The following BCAP29 variants were observed in gnomAD, a reference collection of about 807,000 sequenced individuals.
BCAP29 encodes B-cell receptor-associated protein 29.
A neutral mutation model predicts 31.8 loss-of-function variants in BCAP29; 34 were observed. That is an observed-to-expected ratio of 1.07 (90% CI 0.81 to 1.42). BCAP29 has a LOEUF of 1.42. BCAP29 is among the 40% of genes most tolerant of loss of function. The probability of loss-of-function intolerance (pLI) is 0.00; values close to 1 mark genes in which losing one functional copy is unlikely to be tolerated. For missense variants in BCAP29, 314 were observed against 269.2 expected (o/e 1.17, Z -1.16); for synonymous variants, 104 against 91.3 (o/e 1.14, Z -0.79).
At chr7:107,582,430 A>G (rs902888225) in intron 2 of BCAP29, among the ~76,000 whole-genome samples, 3 of 152,160 alleles carry the variant, frequency 2.0e-5, no homozygotes, top group South Asian at 4.1e-4. Context: ...TATCTTTTAT[A>G]TTTGTATCAC....
Position 107,583,933 on chromosome 7 carries a change from G to A in BCAP29, c.144G>A (p.Trp48Ter). The stretch of plus-strand genomic sequence containing the variant: ...TCTGGGGTAAAATTGCAACTTTTTG[G>A]AACAAGGCTTTCCTTACCATTATCA... ...FNVWGKIATFWNKAFLTIIIL... is the reference protein window; with the variant it reads ...FNVWGKIATF Residue 48 changes from tryptophan (W) to a stop codon, truncating the protein, a stop_gained, in exon 3 of 8, where the codon TGG becomes TGA. Coordinates refer to ENST00000005259, the MANE Select transcript of BCAP29 (RefSeq NM_018844.4). LOFTEE classifies it high-confidence loss of function. The A allele has an allele frequency of 6.3e-7, 1 of 1,587,234 alleles. No homozygotes were observed. Among genetic ancestry groups the A allele is most frequent in the Non-Finnish European group, 8.6e-7 (1 of 1,165,978 alleles).
chr7:107,594,129 G>A (rs747705492), intron 4 of BCAP29, 24 bp downstream of exon 4: 2 of 1,560,866 alleles, frequency 1.3e-6, no homozygotes, highest in Non-Finnish European at 8.8e-7. Context: ...AATAATAGAA[G>A]CACAATTTAA....
intron 6 of BCAP29, among the ~76,000 whole-genome samples, chr7:107,602,641 A>G (rs1811362985): frequency 6.6e-6 from 1 of 152,062 alleles, no homozygotes; most frequent in Non-Finnish European, 1.5e-5. Flanking sequence ...TAAGTGAAAC[A>G]TTTTCTCCCA....
intron 3 of BCAP29, among the ~76,000 whole-genome samples, chr7:107,585,721 G>T (rs1200411179): frequency 6.6e-6 from 1 of 152,144 alleles, no homozygotes; most frequent in Admixed American, 6.5e-5. Context: ...CGGGCGCGGC[G>T]GCTCACCTCT....
At chr7:107,582,162 A>G (rs1398893090) in intron 2 of BCAP29, among the ~76,000 whole-genome samples, 1 of 152,234 alleles carries the variant, frequency 6.6e-6, no homozygotes, top group East Asian at 1.9e-4. Context: ...ATTTATAGAT[A>G]AGGCTTAAGG....
chr7:107,595,505 A>G (rs907460747), intron 4 of BCAP29, among the ~76,000 whole-genome samples: 4 of 152,174 alleles, frequency 2.6e-5, no homozygotes, highest in African/African-American at 7.2e-5. Context: ...ACCTTACACA[A>G]TGTTCCTTAA....
At chr7:107,584,706 C>A (rs1807317473) in intron 3 of BCAP29, among the ~76,000 whole-genome samples, 1 of 151,930 alleles carries the variant, frequency 6.6e-6, no homozygotes, top group Non-Finnish European at 1.5e-5. Flanking sequence ...CTTAAAAAAA[C>A]AAACAAACAA....
intron 6 of BCAP29, among the ~76,000 whole-genome samples, chr7:107,612,442 T>TC (rs1813399766): frequency 7.4e-6 from 1 of 135,410 alleles, no homozygotes; most frequent in Admixed American, 7.6e-5. Context: ...TATATATATT[T>TC]ATTTTACTTC....
rs115358300 is a variant in BCAP29, at chr7:107,620,060, C to G, written c.*1697C>G. 2.3e-3 allele frequency: 346 copies of G among 152,296 alleles called. 3 individuals are homozygous for G. Among genetic ancestry groups the G allele is most frequent in the African/African-American group, 7.8e-3 (325 of 41,560 alleles). 9.4% of individuals were successfully genotyped at this position (152,296 alleles called of 1,614,324 possible). ...ATAGTAAGGAGAAAGTCTGGTTGCA[C>G]TTTGAAGAGCTTGAAGATTTGAAAG... On this transcript the variant is annotated 3_prime_UTR_variant, in exon 8 of 8. Transcript: ENST00000005259.
At chr7:107,598,894 T>TACACACAC (rs59376183) in intron 5 of BCAP29, among the ~76,000 whole-genome samples, 24 of 139,114 alleles carry the variant, frequency 1.7e-4, no homozygotes, top group African/African-American at 5.2e-4. Context: ...CAATACAGTA[T>TACACACAC]ACACACACAC....
intron 3 of BCAP29, among the ~76,000 whole-genome samples, chr7:107,588,176 A>G (rs1234866655): frequency 2.0e-5 from 3 of 152,228 alleles, no homozygotes; most frequent in African/African-American, 7.2e-5. Context: ...TGCAGCATCA[A>G]GCAAATTAGT....
In BCAP29 at chr7:107,595,884, T is replaced by C. The variant is rs1809724560; in HGVS notation, c.362T>C (p.Val121Ala). 1 of 1,601,140 alleles carries C rather than the reference T, an allele frequency of 6.2e-7. No individual in the cohort carries two copies. The highest frequency in any genetic ancestry group is 8.5e-7 in the Non-Finnish European group (1 of 1,176,510). ...LFFWLVLRRL[V>A]TLITQLAKEL... ...TTTCTTAGAGTTTTGAGACGTCTGG[T>C]TACGCTTATTACTCAACTGGCAAAA... The change falls in exon 5 of 8, where the codon GTT (valine) becomes GCT (alanine). Residue 121 changes from valine to alanine, a missense_variant. Transcript: ENST00000005259.
chr7:107,610,930 C>G (rs1028855500), intron 6 of BCAP29, among the ~76,000 whole-genome samples: 1 of 152,190 alleles, frequency 6.6e-6, no homozygotes, highest in African/African-American at 2.4e-5. Context: ...ATAGAAAGTA[C>G]TCTAGACTCA....
At chr7:107,613,198 A>G in intron 6 of BCAP29, 134 bp from the exon 7 acceptor site, 1 of 620,964 alleles carries the variant, frequency 1.6e-6, no homozygotes, top group Non-Finnish European at 2.7e-6. Flanking sequence ...AGAGAATATG[A>G]TAACAAATGT....
In BCAP29 at chr7:107,600,462, A is replaced by G. The variant is rs933065245; in HGVS notation, c.546A>G (p.Glu182=). The G allele has an allele frequency of 6.2e-6, 10 of 1,610,838 alleles. No individual in the cohort carries two copies. In the Middle Eastern group the frequency reaches 6.6e-4, roughly 107 times the overall value. The change falls in exon 6 of 8, where the codon GAA becomes GAG. Residue 182 remains glutamate (E), a synonymous_variant. Coordinates refer to ENST00000005259, the MANE Select transcript of BCAP29 (RefSeq NM_018844.4). Reference sequence around the variant, plus strand: ...AAGCAGAAAATAAAAAACTAGTAGAAGACCAGGAGAAACTGAAAACTGAAT... The same window carrying G: ...AAGCAGAAAATAAAAAACTAGTAGAGGACCAGGAGAAACTGAAAACTGAAT... The part of the protein sequence containing the change: ...VLEAENKKLV[E]DQEKLKTELR...
chr7:107,580,610 C>T, intron 1 of BCAP29, 149 bp from the exon 2 acceptor site: 1 of 577,406 alleles, frequency 1.7e-6, no homozygotes, highest in Non-Finnish European at 3.0e-6. Context: ...CCACCCTTTT[C>T]CCCTTCCTGA....
intron 3 of BCAP29, among the ~76,000 whole-genome samples, chr7:107,590,833 A>AAAGAAAG (rs1554475021): frequency 1.7e-3 from 241 of 137,880 alleles, no homozygotes; most frequent in East Asian, 0.014. Flanking sequence ...AAAAAAAAAA[A>AAAGAAAG]AAAGAAAGAA....
At chr7:107,614,267 A>G (rs945032671) in intron 7 of BCAP29, among the ~76,000 whole-genome samples, 3 of 152,206 alleles carry the variant, frequency 2.0e-5, no homozygotes, top group African/African-American at 7.2e-5. Context: ...TCCAAGACTC[A>G]GCACTGTTCC....
downstream of BCAP29, chr7:107,621,147 T>A (rs1814932863): frequency 6.5e-6 from 1 of 153,318 alleles, no homozygotes; most frequent in African/African-American, 2.4e-5. Context: ...CACCAGCTTA[T>A]CCCCAGCCCT....
Sources: gnomAD v4.1 joint callset for allele counts (sites outside exome capture counted in the v4.1 genomes callset) on GRCh38, gnomAD v4.1.1 for gene constraint, MANE v1.5 for transcripts, NCBI Gene and HGNC (gene_info 2026-07-23, HGNC 2026-07-21) for gene names.